Variants in SLC24A3 observed in about 807,000 individuals in gnomAD.
SLC24A3 encodes solute carrier family 24 member 3.
A neutral mutation model predicts 75.8 loss-of-function variants in SLC24A3; 28 were observed. The ratio of observed to expected loss-of-function variants is 0.37; its 90% CI spans 0.27 to 0.51. The LOEUF (loss-of-function observed/expected upper bound fraction) is 0.51. Among genes scored for constraint, SLC24A3 ranks in the 20% least tolerant of loss-of-function variants. The pLI is 0.94. For missense variants in SLC24A3, 663 were observed against 847.8 expected (o/e 0.78, Z 2.71); for synonymous variants, 372 against 334.1 (o/e 1.11, Z -1.24).
At chr20:19,627,451 C>T (rs1234683135) in intron 6 of SLC24A3, among the ~76,000 whole-genome samples, 1 of 152,158 alleles carries the variant, frequency 6.6e-6, no homozygotes, top group Non-Finnish European at 1.5e-5. Flanking sequence ...TAACGTGATT[C>T]TTGACCATTC....
intron 16 of SLC24A3, among the ~76,000 whole-genome samples, chr20:19,719,720 C>G (rs1032173431): frequency 1.7e-4 from 26 of 152,198 alleles, no homozygotes; most frequent in African/African-American, 6.0e-4. Context: ...CCGATTTCCT[C>G]CAACCCTGAT....
At chr20:19,264,923 T>C (rs1431906252) in intron 1 of SLC24A3, among the ~76,000 whole-genome samples, 2 of 152,118 alleles carry the variant, frequency 1.3e-5, no homozygotes, top group Non-Finnish European at 2.9e-5. Context: ...CAGCAACCTT[T>C]GTAATGCATG....
chr20:19,507,183 TG>T (rs1425005886), intron 2 of SLC24A3, among the ~76,000 whole-genome samples: 1 of 152,240 alleles, frequency 6.6e-6, no homozygotes, highest in Non-Finnish European at 1.5e-5. Context: ...CACTATTAAG[TG>T]ATTTGTGTGC....
At chr20:19,238,661 C>T (rs1467621195) in intron 1 of SLC24A3, among the ~76,000 whole-genome samples, 2 of 152,180 alleles carry the variant, frequency 1.3e-5, no homozygotes, top group Non-Finnish European at 2.9e-5. Context: ...AACCCACAGC[C>T]AAGAGACCAA....
intron 2 of SLC24A3, among the ~76,000 whole-genome samples, chr20:19,448,637 C>T (rs1987428578): frequency 6.6e-6 from 1 of 152,220 alleles, no homozygotes. Flanking sequence ...CTCCCACAGT[C>T]ATGGCTGGAG....
chr20:19,242,665 A>G (rs915219077), intron 1 of SLC24A3: 4 of 152,222 alleles, frequency 2.6e-5, no homozygotes, highest in African/African-American at 9.6e-5. Flanking sequence ...TTAACTCATT[A>G]TGAATGAGGA....
At chr20:19,516,283 G>A (rs141264256) in intron 3 of SLC24A3, among the ~76,000 whole-genome samples, 6 of 152,202 alleles carry the variant, frequency 3.9e-5, no homozygotes, top group Non-Finnish European at 7.3e-5. Context: ...TACATGTGAC[G>A]ATGTCTAAGG....
At chr20:19,699,745 G>A (rs1033662757) in intron 15 of SLC24A3, among the ~76,000 whole-genome samples, 1 of 152,180 alleles carries the variant, frequency 6.6e-6, no homozygotes, top group Non-Finnish European at 1.5e-5. Flanking sequence ...CTTCCCTAAT[G>A]AGTCACACAG....
At chr20:19,555,114 A>G (rs962951830) in intron 3 of SLC24A3, among the ~76,000 whole-genome samples, 3 of 152,238 alleles carry the variant, frequency 2.0e-5, no homozygotes, top group African/African-American at 7.2e-5. Context: ...ACTTGCAGCA[A>G]TAATGAATCT....
rs537973017 is a variant in SLC24A3 at position 19,402,319 on chromosome 20, C to A, written c.272-113169C>A. On this transcript the variant is annotated intron_variant, in intron 2 of 16. Transcript: ENST00000328041. ...TAGATTTTCTCTCCAGCCTTTTTCC[C>A]CTAACGATTACAGGAATGTGAGTGA... 1.1e-4 allele frequency among the ~76,000 whole-genome samples: 17 copies of A among 152,224 alleles called. No individual in the cohort carries two copies. The South Asian group carries it at 2.3e-3, about 20-fold the overall frequency.
At chr20:19,465,822 C>T (rs972937760) in intron 2 of SLC24A3, among the ~76,000 whole-genome samples, 1 of 152,224 alleles carries the variant, frequency 6.6e-6, no homozygotes. Context: ...ACTGGAAGCA[C>T]ATTAGAATCA....
chr20:19,675,826 CCT>C (rs538205357), intron 9 of SLC24A3, among the ~76,000 whole-genome samples: 76 of 152,312 alleles, frequency 5.0e-4, no homozygotes, highest in African/African-American at 1.7e-3. Flanking sequence ...CCATCTTATG[CCT>C]CTTTGTCTCA....
At chr20:19,642,267 G>A (rs1360114164) in intron 6 of SLC24A3, among the ~76,000 whole-genome samples, 3 of 152,194 alleles carry the variant, frequency 2.0e-5, no homozygotes, top group African/African-American at 7.2e-5. Flanking sequence ...ATAGCTATTT[G>A]CAAATGTTCA....
At chr20:19,250,926 C>G (rs78950127) in intron 1 of SLC24A3, among the ~76,000 whole-genome samples, 163 of 152,172 alleles carry the variant, frequency 1.1e-3, no homozygotes, top group African/African-American at 3.8e-3. Flanking sequence ...ATTAAGATGC[C>G]CAAGATCTTA....
At chr20:19,616,510 C>T (rs895736146) in intron 6 of SLC24A3, among the ~76,000 whole-genome samples, 2 of 152,178 alleles carry the variant, frequency 1.3e-5, no homozygotes, top group Non-Finnish European at 2.9e-5. Context: ...TTAACAAATG[C>T]TGTGACCTCC....
rs149137592 is a variant in SLC24A3, at chr20:19,685,109, T to C, written c.1072T>C (p.Leu358=). The change falls in exon 12 of 17, where the codon TTG becomes CTG. Residue 358 remains leucine, a synonymous_variant. Coordinates refer to ENST00000328041, the MANE Select transcript of SLC24A3 (RefSeq NM_020689.4). ...SRMLINERQR[L]INSRAYTNGE... is the part of the protein sequence containing the mutation. ...GCCTTTCTCTTTCCAGAGACAAAGA[T>C]TGATAAACAGCAGGGCTTATACCAA... 2.0e-5 allele frequency: 32 copies of C among 1,604,632 alleles called. No individual in the cohort carries two copies. Among genetic ancestry groups the C allele is most frequent in the African/African-American group, 1.9e-4 (14 of 74,676 alleles).
chr20:19,496,421 C>T (rs996738961), intron 2 of SLC24A3, among the ~76,000 whole-genome samples: 9 of 152,204 alleles, frequency 5.9e-5, no homozygotes, highest in African/African-American at 1.9e-4. Context: ...CCCCACATAG[C>T]TCAGGGATGT....
chr20:19,393,310 A>G (rs577121240), intron 2 of SLC24A3, among the ~76,000 whole-genome samples: 2 of 152,286 alleles, frequency 1.3e-5, no homozygotes, highest in South Asian at 4.1e-4. Flanking sequence ...GCACACTCAC[A>G]CCAACCACTA....
chr20:19,227,487 G>A (rs1320917894), intron 1 of SLC24A3, among the ~76,000 whole-genome samples: 1 of 151,052 alleles, frequency 6.6e-6, no homozygotes. Context: ...CTTAGATTCA[G>A]GCTCTTAGTC....
Sources: gnomAD v4.1 joint callset for allele counts (sites outside exome capture counted in the v4.1 genomes callset) on GRCh38, gnomAD v4.1.1 for gene constraint, MANE v1.5 for transcripts, NCBI Gene and HGNC (gene_info 2026-07-23, HGNC 2026-07-21) for gene names.